Variants in RBPJ observed in about 807,000 individuals in gnomAD.
RBPJ encodes recombining binding protein suppressor of hairless.
A neutral mutation model predicts 67.8 loss-of-function variants in RBPJ; 9 were observed. The observed-to-expected ratio is 0.13, with a 90% CI of 0.08 to 0.23. RBPJ has a LOEUF of 0.23. Ranked by LOEUF, RBPJ falls within the 10% of genes least tolerant of loss-of-function variation. The pLI is 1.00. For synonymous variants in RBPJ, 198 were observed against 203.3 expected, an observed-to-expected ratio of 0.97 and a Z score of 0.22; for missense variants, 305 against 595.6, an observed-to-expected ratio of 0.51 and a Z score of 5.08.
intron 3 of RBPJ, among the ~76,000 whole-genome samples, chr4:26,406,880 G>T (rs1241413665): frequency 6.6e-6 from 1 of 152,240 alleles, no homozygotes; most frequent in Non-Finnish European, 1.5e-5. Flanking sequence ...GGGCTAAAGT[G>T]TAAGAACTGA....
At chr4:26,258,638 A>G (rs1331580711) in intron 1 of RBPJ, among the ~76,000 whole-genome samples, 5 of 151,274 alleles carry the variant, frequency 3.3e-5, no homozygotes, top group Admixed American at 3.3e-4. Flanking sequence ...CTTTCAACAT[A>G]AGCTTCATCA....
At position 26,310,704 on chromosome 4, in the gene RBPJ, C is replaced by G. The variant is rs112849417; in HGVS notation, c.-166-51742C>G. ...TTTTTTTGAGACAGAGAGTCTTGCT[C>G]TGTCACCCAGGCTGGAGCGCAATGG... On this transcript the variant is annotated intron_variant, in intron 1 of 4. Coordinates refer to the RBPJ transcript ENST00000512351. 7.7e-3 allele frequency among the ~76,000 whole-genome samples: 1,033 copies of G among 134,264 alleles called. 12 individuals are homozygous for G. The highest frequency in any genetic ancestry group is 0.028 in the African/African-American group (973 of 35,334). The allele number at this position is 134,264 out of a possible 152,430, so 88.1% of individuals were successfully genotyped here. A position where few individuals can be genotyped will look rare whatever the true frequency, so the allele number is the denominator to read the frequency against.
At chr4:26,422,426 G>C (rs577945499) in intron 5 of RBPJ, among the ~76,000 whole-genome samples, 1 of 152,226 alleles carries the variant, frequency 6.6e-6, no homozygotes, top group South Asian at 2.1e-4. Flanking sequence ...TCTACAAAGA[G>C]GGACTTTGCC....
intron 1 of RBPJ, among the ~76,000 whole-genome samples, chr4:26,357,068 G>A (rs1727459479): frequency 6.6e-6 from 1 of 152,178 alleles, no homozygotes; most frequent in Non-Finnish European, 1.5e-5. Context: ...TCTTGTGAAG[G>A]TGAGCCCAAA....
intron 1 of RBPJ, among the ~76,000 whole-genome samples, chr4:26,253,338 G>C (rs1429985569): frequency 7.9e-6 from 1 of 127,254 alleles, no homozygotes; most frequent in African/African-American, 3.2e-5. Flanking sequence ...TTGAGACGGA[G>C]TCTCGCTCTG....
chr4:26,419,516 G>A (rs1199348763), intron 4 of RBPJ, among the ~76,000 whole-genome samples: 2 of 152,168 alleles, frequency 1.3e-5, no homozygotes, highest in African/African-American at 4.8e-5. Flanking sequence ...AAACCTAGAA[G>A]TCATTAACTG....
chr4:26,302,965 G>A (rs1722118467), intron 1 of RBPJ, among the ~76,000 whole-genome samples: 2 of 151,960 alleles, frequency 1.3e-5, no homozygotes, highest in African/African-American at 2.4e-5. Flanking sequence ...CAGATCACTT[G>A]AGGCCAGGGG....
chr4:26,300,441 C>T (rs897022365), intron 1 of RBPJ, among the ~76,000 whole-genome samples: 10 of 152,208 alleles, frequency 6.6e-5, no homozygotes, highest in East Asian at 1.9e-4. Context: ...AGAGCCTAAA[C>T]GGCAAACTTA....
chr4:26,378,950 C>T (rs1360347176), intron 1 of RBPJ, among the ~76,000 whole-genome samples: 1 of 152,060 alleles, frequency 6.6e-6, no homozygotes, highest in Non-Finnish European at 1.5e-5. Flanking sequence ...TGCTTGAACC[C>T]AGGAGGCGGA....
chr4:26,109,525 TATATA>T, the RBPJ span, among the ~76,000 whole-genome samples: 1 of 95,076 alleles, frequency 1.1e-5, no homozygotes, highest in Non-Finnish European at 2.1e-5. Flanking sequence ...CACACACACA[TATATA>T]TATATAGCCA....
chr4:26,210,752 C>CTTCCTTCTTTCT (rs1718381040), intron 1 of RBPJ, among the ~76,000 whole-genome samples: 2 of 47,336 alleles, frequency 4.2e-5, no homozygotes, highest in Non-Finnish European at 4.1e-5. Context: ...TCCTTCTTTC[C>CTTCCTTCTTTCT]TTCTTTCTTT....
chr4:26,337,412 A>G (rs531916161), intron 1 of RBPJ, among the ~76,000 whole-genome samples: 9 of 152,270 alleles, frequency 5.9e-5, no homozygotes, highest in African/African-American at 1.9e-4. Flanking sequence ...ATACCAATTC[A>G]GCAGCATATT....
chr4:26,178,874 G>A (rs914437796), intron 1 of RBPJ, among the ~76,000 whole-genome samples: 5 of 152,072 alleles, frequency 3.3e-5, no homozygotes, highest in African/African-American at 1.2e-4. Flanking sequence ...TTCTCCACTT[G>A]GACAGGGCTG....
intron 1 of RBPJ, among the ~76,000 whole-genome samples, chr4:26,367,461 C>T (rs551591951): frequency 6.6e-6 from 1 of 152,304 alleles, no homozygotes; most frequent in South Asian, 2.1e-4. Flanking sequence ...CAGAGCAAGA[C>T]TCTTGTCTCA....
intron 2 of RBPJ, among the ~76,000 whole-genome samples, chr4:26,398,276 C>G (rs1474556801): frequency 3.3e-5 from 5 of 152,128 alleles, no homozygotes; most frequent in African/African-American, 1.2e-4. Flanking sequence ...CTCCTCTTCC[C>G]TCTCTCCCAC....
chr4:26,228,787 T>C (rs1001056586), intron 1 of RBPJ, among the ~76,000 whole-genome samples: 14 of 152,224 alleles, frequency 9.2e-5, no homozygotes, highest in Admixed American at 1.3e-4. Context: ...TATAAATCGT[T>C]TGACTGGATG....
chr4:26,226,478 G>A (rs948049690), intron 1 of RBPJ, among the ~76,000 whole-genome samples: 2 of 151,996 alleles, frequency 1.3e-5, no homozygotes, highest in African/African-American at 4.8e-5. Flanking sequence ...CTGTCTCAAG[G>A]AAAAAAATAA....
chr4:26,280,898 C>G lies in RBPJ; in HGVS notation c.-166-81548C>G, dbSNP rs561758215. Among the ~76,000 whole-genome samples the G allele has an allele frequency of 2.0e-5, 3 of 152,012 alleles. No individual in the cohort carries two copies. In the South Asian group the frequency reaches 6.2e-4, roughly 32 times the overall value. The stretch of plus-strand genomic sequence containing the variant: ...AGAATATTTTGAAATTGAAAGGTAA[C>G]TCTTTAAAAACTGCTACCATTTGCA... On this transcript the variant is annotated intron_variant, in intron 1 of 4. Transcript: ENST00000512351.
chr4:26,339,411 A>G (rs1371331390), intron 1 of RBPJ, among the ~76,000 whole-genome samples: 1 of 152,170 alleles, frequency 6.6e-6, no homozygotes, highest in Admixed American at 6.6e-5. Flanking sequence ...AGGCGAGCTG[A>G]TCACTTGCGG....
Sources: gnomAD v4.1 joint callset for allele counts (sites outside exome capture counted in the v4.1 genomes callset) on GRCh38, gnomAD v4.1.1 for gene constraint, MANE v1.5 for transcripts, NCBI Gene and HGNC (gene_info 2026-07-23, HGNC 2026-07-21) for gene names.